The following KIF15 variants were observed in gnomAD, a reference collection of about 807,000 sequenced individuals.
KIF15 encodes kinesin-like protein KIF15.
Under a neutral mutation model 190.6 loss-of-function variants are expected in KIF15, and 140 were observed. The ratio of observed to expected loss-of-function variants is 0.73; its 90% CI spans 0.64 to 0.84. The LOEUF is 0.84. KIF15 is among the 40% of genes least tolerant of loss of function. The pLI, the probability that KIF15 is intolerant of heterozygous loss-of-function variation, is 0.00. For missense variants in KIF15, 1,372 were observed against 1,584.4 expected (o/e 0.87, Z 2.28); for synonymous variants, 528 against 551.3 (o/e 0.96, Z 0.59).
intron 7 of KIF15, among the ~76,000 whole-genome samples, chr3:44,787,299 A>G (rs1706453401): frequency 6.6e-6 from 1 of 152,186 alleles, no homozygotes; most frequent in African/African-American, 2.4e-5. Context: ...GTTGAATGTC[A>G]TTATCATTTT....
At chr3:44,843,295 T>G in intron 30 of KIF15, 61 bp downstream of exon 30, 1 of 1,144,010 alleles carries the variant, frequency 8.7e-7, no homozygotes, top group Non-Finnish European at 1.3e-6. Flanking sequence ...TGGAGTTAAA[T>G]GAGGTTGGAA....
intron 20 of KIF15, among the ~76,000 whole-genome samples, chr3:44,822,638 C>G (rs141813887): frequency 0.011 from 1,603 of 152,322 alleles, 19 homozygotes; most frequent in Middle Eastern, 0.027. Context: ...CTTTCAGGTA[C>G]ACCAATCAAA....
rs35760589 is a variant in KIF15 at position 44,826,078 on chromosome 3, A to G, written c.2589A>G (p.Leu863=). 16 of 1,591,004 alleles carry G rather than the reference A, an allele frequency of 1.0e-5. No homozygotes were observed. Among genetic ancestry groups the G allele is most frequent in the Middle Eastern group, 1.7e-4 (1 of 6,018 alleles). The change falls in exon 21 of 35, where the codon CTA becomes CTG. Residue 863 remains leucine (L), a synonymous_variant. Coordinates refer to ENST00000326047, the MANE Select transcript of KIF15 (RefSeq NM_020242.3). ...AGCTGCTTGAGAGCAAAGCCTGCCT[A>G]CAGGATTCCTATGACAACTTACAAG... ...NEKLLESKAC[L]QDSYDNLQEI... is the part of the protein sequence containing the mutation.
Position 44,797,582 on chromosome 3 carries a change from G to T in KIF15, c.881G>T (p.Cys294Phe), listed in dbSNP as rs921949094. The change falls in exon 9 of 35, where the codon TGC (cysteine) becomes TTC (phenylalanine). Residue 294 changes from cysteine (C) to phenylalanine (F), a missense_variant. Coordinates refer to ENST00000326047, the MANE Select transcript of KIF15 (RefSeq NM_020242.3). ...GGTAACATAAATCGATCATTGAGCTGCCTGGGCCAAGTGATTACAGCACTT... is the reference window on the plus strand; with the variant it reads ...GGTAACATAAATCGATCATTGAGCTTCCTGGGCCAAGTGATTACAGCACTT... ...EAGNINRSLSCLGQVITALVD... is the reference protein window; with the variant it reads ...EAGNINRSLSFLGQVITALVD... 6.2e-6 allele frequency: 10 copies of T among 1,614,072 alleles called. No individual in the cohort carries two copies. The highest frequency in any genetic ancestry group is 8.5e-6 in the Non-Finnish European group (10 of 1,179,986).
At chr3:44,799,498 C>T (rs1424353669) in intron 10 of KIF15, among the ~76,000 whole-genome samples, 1 of 151,884 alleles carries the variant, frequency 6.6e-6, no homozygotes, top group African/African-American at 2.4e-5. Flanking sequence ...CAGCTGTTGG[C>T]ACTCGTTATC....
At chr3:44,849,741 T>A (rs1398342431) in intron 32 of KIF15, among the ~76,000 whole-genome samples, 2 of 152,102 alleles carry the variant, frequency 1.3e-5, no homozygotes, top group Non-Finnish European at 2.9e-5. Context: ...TGTACATACA[T>A]ACACACACAC....
At chr3:44,785,035 G>GA in intron 6 of KIF15, 93 bp downstream of exon 6, 1 of 658,992 alleles carries the variant, frequency 1.5e-6, no homozygotes, top group Non-Finnish European at 2.7e-6. Flanking sequence ...GGTGGAGCAT[G>GA]GATGGTACTC....
intron 7 of KIF15, among the ~76,000 whole-genome samples, chr3:44,788,817 T>C (rs1032132111): frequency 2.0e-5 from 3 of 152,224 alleles, no homozygotes; most frequent in Admixed American, 6.5e-5. Flanking sequence ...GGATGACTTA[T>C]TCTTAGAATA....
At chr3:44,769,584 G>T (rs562369715) in intron 1 of KIF15, among the ~76,000 whole-genome samples, 58 of 152,308 alleles carry the variant, frequency 3.8e-4, no homozygotes, top group African/African-American at 1.4e-3. Flanking sequence ...GAAACAGGAG[G>T]CTTGGCTTAA....
intron 20 of KIF15, among the ~76,000 whole-genome samples, chr3:44,822,012 C>T (rs933091248): frequency 6.6e-6 from 1 of 152,172 alleles, no homozygotes; most frequent in Non-Finnish European, 1.5e-5. Context: ...CAATTGCAGG[C>T]ACTCGGCAAG....
chr3:44,864,750 G>A (rs768756045), intron 6 of KIF15, among the ~76,000 whole-genome samples: 1 of 152,284 alleles, frequency 6.6e-6, no homozygotes, highest in Non-Finnish European at 1.5e-5. Context: ...TCAATCTTGA[G>A]TTGAGGGAGA....
intron 6 of KIF15, chr3:44,864,051 G>T (rs1699293101): frequency 1.2e-6 from 1 of 860,244 alleles, no homozygotes; most frequent in South Asian, 1.6e-5. Flanking sequence ...GAAGCCCTGT[G>T]CAGGAAAGCT....
At chr3:44,848,495 A>AT (rs1559594368) in intron 31 of KIF15, 26 bp from the exon 32 acceptor site, 1 of 1,004,980 alleles carries the variant, frequency 1.0e-6, no homozygotes, top group Non-Finnish European at 1.5e-6. Context: ...CAATCTTTTT[A>AT]TTTTCTTTTT....
At chr3:44,799,384 G>T (rs778346502) in intron 10 of KIF15, 23 of 455,922 alleles carry the variant, frequency 5.0e-5, no homozygotes, top group Middle Eastern at 3.3e-4. Flanking sequence ...AGCAAATTGG[G>T]CTTACAGCGA....
downstream of KIF15, among the ~76,000 whole-genome samples, chr3:44,858,049 T>TG (rs1265887927): frequency 6.6e-6 from 1 of 152,206 alleles, no homozygotes; most frequent in Non-Finnish European, 1.5e-5. Flanking sequence ...CCTGAAGCCT[T>TG]GCGGCAGTAC....
At chr3:44,855,148 C>T (rs532727250), downstream of KIF15, among the ~76,000 whole-genome samples, 11 of 152,238 alleles carry the variant, frequency 7.2e-5, 1 homozygote, top group Non-Finnish European at 1.0e-4. Flanking sequence ...GTGTGATTAT[C>T]GTTAGTTCTT....
chr3:44,786,522 T>C lies in KIF15; in HGVS notation c.587T>C (p.Phe196Ser). The change falls in exon 7 of 35, where the codon TTT becomes TCT. Residue 196 changes from phenylalanine to serine, a missense_variant. Physicochemically the swap from Phe to Ser is radical, Grantham distance 155. Coordinates refer to ENST00000326047, the MANE Select transcript of KIF15 (RefSeq NM_020242.3). The part of the protein sequence containing the change: ...YLREHIKKGV[F>S]VVGAVEQVVT... ...AGGGAGCATATCAAGAAGGGAGTCTTTGTTGTTGGTGCGGTGGAGCAGGTG... is the reference window on the plus strand; with the variant it reads ...AGGGAGCATATCAAGAAGGGAGTCTCTGTTGTTGGTGCGGTGGAGCAGGTG... The C allele has an allele frequency of 6.2e-7, 1 of 1,613,164 alleles. No homozygotes were observed. The highest frequency in any genetic ancestry group is 8.5e-7 in the Non-Finnish European group (1 of 1,179,392).
intron 19 of KIF15, among the ~76,000 whole-genome samples, chr3:44,813,727 T>C (rs1192876538): frequency 1.3e-5 from 2 of 151,780 alleles, no homozygotes; most frequent in Non-Finnish European, 2.9e-5. Flanking sequence ...GCTCCTGGGT[T>C]CAAGCAGTTC....
chr3:44,826,546 A>G, intron 22 of KIF15, 86 bp downstream of exon 22: 1 of 906,322 alleles, frequency 1.1e-6, no homozygotes, highest in East Asian at 2.7e-5. Context: ...TATTGCCAAT[A>G]CCCTGTAAAG....
Sources: gnomAD v4.1 joint callset for allele counts (sites outside exome capture counted in the v4.1 genomes callset) on GRCh38, gnomAD v4.1.1 for gene constraint, MANE v1.5 for transcripts, NCBI Gene and HGNC (gene_info 2026-07-23, HGNC 2026-07-21) for gene names.